Variants in TMEM220 observed in about 807,000 individuals in gnomAD.
The protein encoded by TMEM220 is transmembrane protein 220.
Under a neutral mutation model 21.7 loss-of-function variants are expected in TMEM220, and 21 were observed. The ratio of observed to expected loss-of-function variants is 0.97; its 90% CI spans 0.69 to 1.39. The LOEUF is 1.39. Among genes scored for constraint, TMEM220 ranks in the 40% most tolerant of loss-of-function variants. TMEM220 has a pLI of 0.00. For missense variants in TMEM220, 191 were observed against 201.9 expected (o/e 0.95, Z 0.33); for synonymous variants, 80 against 73.6 (o/e 1.09, Z -0.45).
At chr17:10,728,405 T>C (rs760898180) in intron 2 of TMEM220, among the ~76,000 whole-genome samples, 23 of 149,948 alleles carry the variant, frequency 1.5e-4, no homozygotes, top group Non-Finnish European at 2.7e-4. Context: ...GCCTCCTGGG[T>C]TCCAGCGAGT....
chr17:10,725,322 T>G (rs896487775), intron 3 of TMEM220, among the ~76,000 whole-genome samples, 188 bp from the exon 4 acceptor site: 1 of 152,178 alleles, frequency 6.6e-6, no homozygotes, highest in Admixed American at 6.5e-5. Context: ...TCAGTGGCCA[T>G]TTCTTGTTTG....
chr17:10,728,418 C>G (rs1261799559), intron 2 of TMEM220, among the ~76,000 whole-genome samples: 1 of 150,618 alleles, frequency 6.6e-6, no homozygotes, highest in Non-Finnish European at 1.5e-5. Flanking sequence ...CAGCGAGTCT[C>G]CTGCTTCAGC....
chr17:10,720,506 A>G (rs930722337), intron 5 of TMEM220, among the ~76,000 whole-genome samples: 1 of 152,192 alleles, frequency 6.6e-6, no homozygotes, highest in African/African-American at 2.4e-5. Flanking sequence ...AAAATCATGG[A>G]AGGATAAACT....
intron 2 of TMEM220, among the ~76,000 whole-genome samples, chr17:10,727,501 T>C (rs1338685826): frequency 6.6e-6 from 1 of 152,164 alleles, no homozygotes; most frequent in East Asian, 1.9e-4. Flanking sequence ...TGAGGAGCAG[T>C]GTGACATGCA....
intron 5 of TMEM220, chr17:10,716,636 A>G (rs2074925451): frequency 5.0e-6 from 2 of 396,924 alleles, no homozygotes; most frequent in South Asian, 4.4e-5. Flanking sequence ...GATTTTTATG[A>G]AAGTTGGAAA....
chr17:10,711,175 G>A, downstream of TMEM220: 1 of 1,546,596 alleles, frequency 6.5e-7, no homozygotes, highest in Non-Finnish European at 8.8e-7. Flanking sequence ...TAGAAAATGA[G>A]CTTTGTGTTT....
At chr17:10,715,689 TTCTCA>T (rs1462862101) in intron 5 of TMEM220, 101 bp from the exon 6 acceptor site, 5 of 819,470 alleles carry the variant, frequency 6.1e-6, no homozygotes, top group East Asian at 6.0e-5. Flanking sequence ...TTTTAGTATG[TTCTCA>T]TCTCAGTTGT....
downstream of TMEM220, among the ~76,000 whole-genome samples, chr17:10,712,945 A>C (rs1633833): frequency 0.5 from 75,733 of 152,012 alleles, 19,661 homozygotes; most frequent in African/African-American, 0.65. Flanking sequence ...AAATAGAGAA[A>C]AATGGAAGAA....
intron 5 of TMEM220, among the ~76,000 whole-genome samples, chr17:10,717,452 A>G (rs1180496122): frequency 2.0e-5 from 3 of 152,182 alleles, no homozygotes; most frequent in Non-Finnish European, 4.4e-5. Context: ...ATTTCATTCC[A>G]TTAATGTGGT....
intron 5 of TMEM220, among the ~76,000 whole-genome samples, chr17:10,717,530 A>G (rs1230141971): frequency 6.6e-6 from 1 of 152,112 alleles, no homozygotes; most frequent in Non-Finnish European, 1.5e-5. Flanking sequence ...CCAACTTGGT[A>G]GTTGGGTTAT....
chr17:10,715,940 TA>T (rs1310240183), intron 5 of TMEM220: 3 of 357,432 alleles, frequency 8.4e-6, no homozygotes, highest in Admixed American at 9.0e-5. Context: ...TTGCTTTTTT[TA>T]AATTTTATCA....
chr17:10,725,247 C>T, intron 3 of TMEM220, 113 bp from the exon 4 acceptor site: 2 of 1,424,780 alleles, frequency 1.4e-6, no homozygotes, highest in Non-Finnish European at 1.9e-6. Flanking sequence ...CATTCAGACT[C>T]CCTCAGCCCC....
intron 5 of TMEM220, among the ~76,000 whole-genome samples, chr17:10,722,731 C>G (rs2075006793): frequency 6.6e-6 from 1 of 152,156 alleles, no homozygotes; most frequent in Non-Finnish European, 1.5e-5. Context: ...TTTCGTGAAT[C>G]TCTAAGTTTC....
Position 10,726,214 on chromosome 17 carries a change from A to T in TMEM220, c.153T>A (p.Pro51=), listed in dbSNP as rs749683639. 8 of 1,613,860 alleles carry T rather than the reference A, an allele frequency of 5.0e-6. No individual in the cohort carries two copies. The highest frequency in any genetic ancestry group is 6.8e-6 in the Non-Finnish European group (8 of 1,179,750). Residue 51 remains proline, a synonymous_variant, in exon 3 of 6, where the codon CCT becomes CCA. Transcript: ENST00000341871. ...ATGCAAGGCTTATACCTGTGACTTC[A>T]GGGTTAAGTCCAACAAGCAGGGTCA... is the stretch of plus-strand genomic sequence containing the variant. ...AVLTLLVGLN[P]EVTGNVIWKS...
In TMEM220 at chr17:10,715,588, C is replaced by T. The variant is rs1046182535; in HGVS notation, c.348G>A (p.Lys116=). The part of the protein sequence containing the change: ...AWIILCHSSS[K]NPVGGRIQLA... ...ATTGAATTCTTCCACCAACTGGATTCCTATAAAGACACAAAAATTATTATA... is the reference window on the plus strand; with the variant it reads ...ATTGAATTCTTCCACCAACTGGATTTCTATAAAGACACAAAAATTATTATA... The change falls in exon 6 of 6, where the codon AAG becomes AAA. Residue 116 remains lysine, a splice_region_variant and synonymous_variant. Coordinates refer to ENST00000341871, the MANE Select transcript of TMEM220 (RefSeq NM_001004313.3). The T allele has an allele frequency of 1.3e-6, 2 of 1,565,734 alleles. No homozygotes were observed. The highest frequency in any genetic ancestry group is 2.8e-5 in the African/African-American group (2 of 72,084).
chr17:10,727,415 G>A (rs1004630523), intron 2 of TMEM220, among the ~76,000 whole-genome samples: 2 of 152,202 alleles, frequency 1.3e-5, no homozygotes, highest in East Asian at 3.8e-4. Flanking sequence ...GAATGATTCT[G>A]CTGATAACAG....
At chr17:10,721,604 C>CAAAAAAAAAAAAAAAAAAAAA (rs1194075248) in intron 5 of TMEM220, among the ~76,000 whole-genome samples, 1 of 35,834 alleles carries the variant, frequency 2.8e-5, no homozygotes, top group Non-Finnish European at 5.0e-5. Flanking sequence ...GACTCTGTCT[C>CAAAAAAAAAAAAAAAAAAAAA]AAAAAAAAAA....
At chr17:10,728,257 T>C (rs1371673465) in intron 2 of TMEM220, among the ~76,000 whole-genome samples, 1 of 151,776 alleles carries the variant, frequency 6.6e-6, no homozygotes, top group East Asian at 1.9e-4. Context: ...ATGAAGACTG[T>C]AGGTTTTACA....
chr17:10,719,085 A>G (rs116812101), intron 5 of TMEM220, among the ~76,000 whole-genome samples: 521 of 152,324 alleles, frequency 3.4e-3, no homozygotes, highest in African/African-American at 0.012. Flanking sequence ...TTAGGTCCAT[A>G]CAAATTTAGC....
Sources: gnomAD v4.1 joint callset for allele counts (sites outside exome capture counted in the v4.1 genomes callset) on GRCh38, gnomAD v4.1.1 for gene constraint, MANE v1.5 for transcripts, NCBI Gene and HGNC (gene_info 2026-07-23, HGNC 2026-07-21) for gene names.